HLF: variants seen among roughly 807,000 people sequenced by gnomAD.
HLF encodes the protein hepatic leukemia factor.
A neutral mutation model predicts 22.6 loss-of-function variants in HLF; 3 were observed. The ratio of observed to expected loss-of-function variants is 0.13; its 90% CI spans 0.06 to 0.34. HLF has a LOEUF of 0.34. Ranked by LOEUF, HLF falls within the 10% of genes least tolerant of loss-of-function variation. HLF has a pLI of 1.00. For synonymous variants in HLF, 151 were observed against 151.8 expected, an observed-to-expected ratio of 0.99 and a Z score of 0.04; for missense variants, 299 against 389.2, an observed-to-expected ratio of 0.77 and a Z score of 1.95.
At chr17:55,295,776 G>A (rs920108900) in intron 2 of HLF, among the ~76,000 whole-genome samples, 2 of 152,188 alleles carry the variant, frequency 1.3e-5, no homozygotes, top group Admixed American at 1.3e-4. Context: ...ATGGCTGCCT[G>A]CCTTTGTAGA....
chr17:55,285,878 T>C (rs1414821042), intron 2 of HLF, among the ~76,000 whole-genome samples: 1 of 152,258 alleles, frequency 6.6e-6, no homozygotes, highest in Non-Finnish European at 1.5e-5. Flanking sequence ...GAAAATGTTT[T>C]ACTTTTGCGC....
chr17:55,302,428 C>G (rs1379341636), intron 2 of HLF, among the ~76,000 whole-genome samples: 1 of 152,166 alleles, frequency 6.6e-6, no homozygotes, highest in Non-Finnish European at 1.5e-5. Flanking sequence ...ACACCTGAAT[C>G]CTATTCATGT....
intron 2 of HLF, among the ~76,000 whole-genome samples, chr17:55,279,320 T>G (rs1030457839): frequency 6.6e-6 from 1 of 152,236 alleles, no homozygotes; most frequent in Non-Finnish European, 1.5e-5. Flanking sequence ...GTCTACTTAT[T>G]TTATTTCTCC....
intron 2 of HLF, among the ~76,000 whole-genome samples, chr17:55,279,586 T>A (rs1055067002): frequency 1.3e-5 from 2 of 151,766 alleles, no homozygotes; most frequent in African/African-American, 2.4e-5. Context: ...ATATATATAT[T>A]TTTAATTTAA....
At chr17:55,279,682 G>C (rs2145312733) in intron 2 of HLF, among the ~76,000 whole-genome samples, 1 of 152,206 alleles carries the variant, frequency 6.6e-6, no homozygotes, top group East Asian at 1.9e-4. Flanking sequence ...AGTTTTTAAA[G>C]ATTTTAACTG....
intron 2 of HLF, among the ~76,000 whole-genome samples, chr17:55,274,489 C>G (rs966473992): frequency 2.0e-5 from 3 of 152,166 alleles, no homozygotes; most frequent in African/African-American, 7.2e-5. Flanking sequence ...TTAAATTTCC[C>G]TCAGACTTAG....
chr17:55,296,155 A>C (rs992549181), intron 2 of HLF, among the ~76,000 whole-genome samples: 1 of 152,118 alleles, frequency 6.6e-6, no homozygotes, highest in Non-Finnish European at 1.5e-5. Flanking sequence ...CATGGTGTGA[A>C]TATTCCTGAG....
intron 2 of HLF, among the ~76,000 whole-genome samples, chr17:55,309,523 A>G (rs1904733938): frequency 6.6e-6 from 1 of 152,208 alleles, no homozygotes; most frequent in Non-Finnish European, 1.5e-5. Context: ...GGATCCAGGA[A>G]GTCATGACAA....
chr17:55,277,666 C>A (rs1387733309), intron 2 of HLF, among the ~76,000 whole-genome samples: 1 of 152,024 alleles, frequency 6.6e-6, no homozygotes, highest in African/African-American at 2.4e-5. Flanking sequence ...CATGAAATGA[C>A]TTGCTCAAGC....
At chr17:55,317,219 G>C (rs541530407) in intron 3 of HLF, among the ~76,000 whole-genome samples, 3 of 151,758 alleles carry the variant, frequency 2.0e-5, no homozygotes, top group Non-Finnish European at 2.9e-5. Context: ...TGCCCACCTC[G>C]GTCTTCCAAA....
intron 2 of HLF, among the ~76,000 whole-genome samples, chr17:55,287,274 A>G (rs1179348337): frequency 1.3e-5 from 2 of 152,216 alleles, no homozygotes; most frequent in Non-Finnish European, 2.9e-5. Flanking sequence ...CCCCTTGTAA[A>G]TAAGACCAGT....
chr17:55,265,506 C>A lies in HLF; in HGVS notation c.22C>A (p.Leu8Ile). The stretch of plus-strand genomic sequence containing the variant: ...CGCGATGGAGAAAATGTCCCGACCG[C>A]TCCCCCTGAATCCCACCTTTATCCC... MEKMSRP[L>I]PLNPTFIPPP... Residue 8 changes from leucine to isoleucine, a missense_variant, in exon 1 of 4, where the codon CTC (leucine) becomes ATC (isoleucine). Transcript: ENST00000226067. The A allele has an allele frequency of 1.2e-6, 2 of 1,608,246 alleles. No homozygotes were observed. The highest frequency in any genetic ancestry group is 1.7e-6 in the Non-Finnish European group (2 of 1,176,656).
intron 2 of HLF, among the ~76,000 whole-genome samples, chr17:55,275,195 A>G (rs1475306207): frequency 1.3e-5 from 2 of 152,214 alleles, no homozygotes; most frequent in East Asian, 1.9e-4. Context: ...TCCCAGGCTC[A>G]ATAGATCCTC....
chr17:55,302,045 C>A lies in HLF; in HGVS notation c.452-13182C>A, dbSNP rs376713343. Among the ~76,000 whole-genome samples, 130 of 152,324 alleles carry A rather than the reference C, an allele frequency of 8.5e-4. 1 individual carries two copies. The highest frequency in any genetic ancestry group is 2.9e-3 in the African/African-American group (121 of 41,566). On this transcript the variant is annotated intron_variant, in intron 2 of 3. Transcript: ENST00000226067. The stretch of plus-strand genomic sequence containing the variant: ...CCATAACTGATGGGGTCTTTGGATT[C>A]CAATCCTTGTCTCATTTTCCCAACC...
rs866402696 is a variant in HLF at position 55,279,844 on chromosome 17, C to A, written c.451+11758C>A. ...CTGTCCCCTTCTCCATTCCCCCCCA[C>A]CACTCAATTTTCATATCTTTAAAAT... is the stretch of plus-strand genomic sequence containing the variant. On this transcript the variant is annotated intron_variant, in intron 2 of 3. Transcript: ENST00000226067. Among the ~76,000 whole-genome samples, 116 of 152,236 alleles carry A rather than the reference C, an allele frequency of 7.6e-4. 1 individual carries two copies. The highest frequency in any genetic ancestry group is 3.5e-3 in the Admixed American group (54 of 15,298).
chr17:55,315,034 A>T (rs1905006624), intron 2 of HLF, among the ~76,000 whole-genome samples, 193 bp from the exon 3 acceptor site: 1 of 152,224 alleles, frequency 6.6e-6, no homozygotes, highest in African/African-American at 2.4e-5. Flanking sequence ...GTTTTGCCTG[A>T]TGTGACGTGA....
At chr17:55,289,086 C>CATCTATT in intron 2 of HLF, 1 of 214,996 alleles carries the variant, frequency 4.7e-6, no homozygotes, top group Non-Finnish European at 8.0e-6. Flanking sequence ...TTAATAGATG[C>CATCTATT]AGGAGAATGC....
chr17:55,274,160 A>C (rs1314936610), intron 2 of HLF, among the ~76,000 whole-genome samples: 1 of 152,148 alleles, frequency 6.6e-6, no homozygotes, highest in African/African-American at 2.4e-5. Context: ...CTAATGTAGA[A>C]AGCCAGAGGA....
In HLF at chr17:55,265,443, C is replaced by CTTTG. The variant is rs2080778238; in HGVS notation, c.-40_-39insTGTT. On this transcript the variant is annotated 5_prime_UTR_variant, in exon 1 of 4. Coordinates refer to ENST00000226067, the MANE Select transcript of HLF (RefSeq NM_002126.5). Reference sequence around the variant, plus strand: ...CATTTTAGGGGGCGGTTGTTTCTTTCTTATTTCTTTTTTTAAGGGGAAAAA... The same window carrying CTTTG: ...CATTTTAGGGGGCGGTTGTTTCTTTCTTTGTTATTTCTTTTTTTAAGGGGAAAAA... The CTTTG allele has an allele frequency of 1.6e-6, 2 of 1,270,856 alleles. No individual in the cohort carries two copies. The highest frequency in any genetic ancestry group is 1.1e-6 in the Non-Finnish European group (1 of 879,986). The allele number at this position is 1,270,856 out of a possible 1,614,324, so 78.7% of individuals were successfully genotyped here. A position where few individuals can be genotyped will look rare whatever the true frequency, so the allele number is the denominator to read the frequency against.
Sources: allele counts gnomAD v4.1 joint callset (sites outside exome capture counted in the v4.1 genomes callset), GRCh38; gene constraint gnomAD v4.1.1; transcripts MANE v1.5; gene names NCBI Gene and HGNC (gene_info 2026-07-23, HGNC 2026-07-21).